Variants in RIPK2 observed in about 807,000 individuals in gnomAD.
RIPK2 encodes receptor interacting serine/threonine kinase 2.
RIPK2 carries 38 observed loss-of-function variants against 60.9 expected under a neutral mutation model. The ratio of observed to expected loss-of-function variants is 0.62; its 90% CI spans 0.48 to 0.82. The LOEUF is 0.82. RIPK2 is among the 40% of genes least tolerant of loss of function. The pLI is 0.00. For synonymous variants in RIPK2, 225 were observed against 223.4 expected (o/e 1.01, Z -0.06); for missense variants, 518 against 647.0 (o/e 0.80, Z 2.16).
At chr8:89,778,244 A>G (rs1395337885) in intron 6 of RIPK2, among the ~76,000 whole-genome samples, 4 of 152,202 alleles carry the variant, frequency 2.6e-5, no homozygotes. Context: ...ATTAATATAC[A>G]TATTAAATGG....
chr8:89,789,293 C>T lies in RIPK2; in HGVS notation c.1124-28C>T, dbSNP rs530029076. 6 of 1,601,254 alleles carry T rather than the reference C, an allele frequency of 3.7e-6. No homozygotes were observed. The East Asian group carries it at 1.3e-4, about 36-fold the overall frequency. On this transcript the variant is annotated intron_variant, in intron 9 of 10. Transcript: ENST00000220751. ...ATAGGAATTTCTAAGGAGTATTCTACTTCTAATGAAGATGTTGTATTTTGT... is the reference window on the plus strand; with the variant it reads ...ATAGGAATTTCTAAGGAGTATTCTATTTCTAATGAAGATGTTGTATTTTGT...
rs537356406 is a variant in RIPK2, at chr8:89,783,345, T to A, written c.940-705T>A. Reference sequence around the variant, plus strand: ...AATAGTATTTAAGTAAATCATCTACTCAGCAGCTACCATTTATTGAATGCT... The same window carrying A: ...AATAGTATTTAAGTAAATCATCTACACAGCAGCTACCATTTATTGAATGCT... On this transcript the variant is annotated intron_variant, in intron 7 of 10. Coordinates refer to ENST00000220751, the MANE Select transcript of RIPK2 (RefSeq NM_003821.6). 3.9e-5 allele frequency among the ~76,000 whole-genome samples: 6 copies of A among 152,350 alleles called. No homozygotes were observed. In the East Asian group the frequency reaches 1.2e-3, roughly 29 times the overall value.
At chr8:89,783,917 T>A in intron 7 of RIPK2, 133 bp from the exon 8 acceptor site, 1 of 496,368 alleles carries the variant, frequency 2.0e-6, no homozygotes, top group Non-Finnish European at 3.5e-6. Flanking sequence ...TTATATGTTA[T>A]ATTCTCAACT....
chr8:89,768,926 C>T (rs1809270980), intron 3 of RIPK2, among the ~76,000 whole-genome samples: 1 of 151,678 alleles, frequency 6.6e-6, no homozygotes, highest in East Asian at 1.9e-4. Flanking sequence ...CTAAAGTATG[C>T]AGTAAAATAT....
rs1382138828 is a variant in RIPK2 at position 89,784,118 on chromosome 8, T to A, written c.1008T>A (p.Pro336=). The A allele has an allele frequency of 7.2e-7, 1 of 1,388,870 alleles. No individual in the cohort carries two copies. The highest frequency in any genetic ancestry group is 1.3e-5 in the South Asian group (1 of 78,944). 86.0% of individuals were successfully genotyped at this position (1,388,870 alleles called of 1,614,324 possible). A position where few individuals can be genotyped will look rare whatever the true frequency, so the allele number is the denominator to read the frequency against. Reference sequence around the variant, plus strand: ...AAATGGAATTATCTCTGAACATACCTGTAAATCATGGTCCACAAGAGGTAA... The same window carrying A: ...AAATGGAATTATCTCTGAACATACCAGTAAATCATGGTCCACAAGAGGTAA... The part of the protein sequence containing the change: ...KKKMELSLNI[P]VNHGPQEESC... The change falls in exon 8 of 11, where the codon CCT becomes CCA. Residue 336 remains proline, a synonymous_variant. Transcript: ENST00000220751.
At chr8:89,779,310 G>GTTTTTTTTTTTTTTTT (rs55784154) in intron 6 of RIPK2, among the ~76,000 whole-genome samples, 6 of 79,094 alleles carry the variant, frequency 7.6e-5, no homozygotes, top group African/African-American at 1.2e-4. Flanking sequence ...CGGTTTTTGG[G>GTTTTTTTTTTTTTTTT]TTTTTTTTTT....
At chr8:89,765,223 CAT>C (rs1251247318) in intron 2 of RIPK2, 116 bp from the exon 3 acceptor site, 1 of 612,500 alleles carries the variant, frequency 1.6e-6, no homozygotes, top group East Asian at 2.8e-5. Flanking sequence ...TAAAAATGAG[CAT>C]ATGTTTTAAC....
rs71268283 is a variant in RIPK2 at position 89,784,141 on chromosome 8, TAAAA to T, written c.1029+22_1029+25del. On this transcript the variant is annotated splice_donor_5th_base_variant and intron_variant, in intron 8 of 10. Transcript: ENST00000220751. The stretch of plus-strand genomic sequence containing the variant: ...CCTGTAAATCATGGTCCACAAGAGG[TAAAA>T]AAAAAAAAAAAAAAAAAAAGGTTAT... The T allele has an allele frequency of 0.1, 56,230 of 547,146 alleles. 100 individuals are homozygous for T. The highest frequency in any genetic ancestry group is 0.12 in the Non-Finnish European group (44,248 of 375,738). 33.9% of individuals were successfully genotyped at this position (547,146 alleles called of 1,614,324 possible).
chr8:89,781,132 C>G (rs983521571), intron 7 of RIPK2, among the ~76,000 whole-genome samples: 5 of 151,818 alleles, frequency 3.3e-5, no homozygotes, highest in African/African-American at 1.2e-4. Context: ...TGTGAACAAG[C>G]AACATCTACA....
intron 1 of RIPK2, chr8:89,759,304 G>C (rs1405095705): frequency 2.2e-6 from 1 of 456,230 alleles, no homozygotes; most frequent in South Asian, 1.5e-5. Flanking sequence ...CTAGTCTTGT[G>C]TATTTTACTT....
chr8:89,781,020 T>A (rs1323120272), intron 7 of RIPK2, among the ~76,000 whole-genome samples: 1 of 151,470 alleles, frequency 6.6e-6, no homozygotes, highest in Non-Finnish European at 1.5e-5. Context: ...TAAACTATGC[T>A]TACTTTGCCC....
chr8:89,775,895 T>A (rs1190181767), intron 6 of RIPK2, among the ~76,000 whole-genome samples: 1 of 152,106 alleles, frequency 6.6e-6, no homozygotes, highest in Non-Finnish European at 1.5e-5. Context: ...CTTTCTAAGT[T>A]CAGAATATAT....
chr8:89,761,860 A>G (rs1055334729), intron 1 of RIPK2, among the ~76,000 whole-genome samples: 2 of 151,810 alleles, frequency 1.3e-5, no homozygotes, highest in Non-Finnish European at 2.9e-5. Flanking sequence ...ATTCACCTTC[A>G]CTCCTTTTAT....
intron 7 of RIPK2, among the ~76,000 whole-genome samples, chr8:89,781,054 GA>G (rs113791068): frequency 0.031 from 4,762 of 151,522 alleles, 239 homozygotes; most frequent in African/African-American, 0.11. Context: ...TTTGTTAGGG[GA>G]TATAGGTTTC....
At chr8:89,781,250 G>A (rs1809493987) in intron 7 of RIPK2, among the ~76,000 whole-genome samples, 1 of 151,828 alleles carries the variant, frequency 6.6e-6, no homozygotes, top group Non-Finnish European at 1.5e-5. Flanking sequence ...AACTAAAGAG[G>A]AACTGTGTTT....
At chr8:89,772,327 A>C (rs1809327715) in intron 5 of RIPK2, among the ~76,000 whole-genome samples, 1 of 152,056 alleles carries the variant, frequency 6.6e-6, no homozygotes. Flanking sequence ...TAGCTTATGA[A>C]ATAAACATTT....
intron 9 of RIPK2, among the ~76,000 whole-genome samples, chr8:89,787,645 TG>T (rs1433232131): frequency 6.6e-6 from 1 of 152,226 alleles, no homozygotes; most frequent in Non-Finnish European, 1.5e-5. Context: ...CTAAGTAGAT[TG>T]GAGTCATATC....
chr8:89,781,795 A>G (rs576887600), intron 7 of RIPK2, among the ~76,000 whole-genome samples: 2 of 152,332 alleles, frequency 1.3e-5, no homozygotes, highest in East Asian at 3.9e-4. Context: ...TCCCATGCAT[A>G]TATACCTATG....
chr8:89,765,441 T>A lies in RIPK2; in HGVS notation c.428T>A (p.Leu143His), dbSNP rs769606788. The A allele has an allele frequency of 3.1e-6, 5 of 1,600,298 alleles. No homozygotes were observed. The highest frequency in any genetic ancestry group is 4.3e-6 in the Non-Finnish European group (5 of 1,168,404). The change falls in exon 3 of 11, where the codon CTT (leucine) becomes CAT (histidine). Residue 143 changes from leucine to histidine, a missense_variant. Physicochemically the swap from Leu to His is moderately conservative, Grantham distance 99. This residue lies in a region of RIPK2 where 448 missense variants were observed against 534.7 expected (regional missense o/e 0.84). Coordinates refer to ENST00000220751, the MANE Select transcript of RIPK2 (RefSeq NM_003821.6). ...NYLHNMTPPLLHHDLKTQNIL... is the reference protein window; with the variant it reads ...NYLHNMTPPLHHHDLKTQNIL... The stretch of plus-strand genomic sequence containing the variant: ...CTGCACAATATGACTCCTCCTTTAC[T>A]TCATCATGACTTGAAGACTCAGAAT...
Sources: allele counts gnomAD v4.1 joint callset (sites outside exome capture counted in the v4.1 genomes callset), GRCh38; gene constraint gnomAD v4.1.1; regional missense constraint gnomAD v4.1.1; transcripts MANE v1.5; gene names NCBI Gene and HGNC (gene_info 2026-07-23, HGNC 2026-07-21).